ITPRIP: variants seen among roughly 807,000 people sequenced by gnomAD.
ITPRIP encodes the protein inositol 1,4,5-trisphosphate receptor-interacting protein.
A neutral mutation model predicts 35.8 loss-of-function variants in ITPRIP; 32 were observed. That is an observed-to-expected ratio of 0.89 (90% CI 0.68 to 1.20). ITPRIP has a LOEUF of 1.20. Among genes scored for constraint, ITPRIP ranks in the 50% most tolerant of loss-of-function variants. ITPRIP has a pLI of 0.00. For synonymous variants in ITPRIP, 358 were observed against 324.0 expected (o/e 1.11, Z -1.13); for missense variants, 653 against 735.6 (o/e 0.89, Z 1.30).
chr10:104,314,070 C>T lies in ITPRIP; in HGVS notation c.*338G>A, dbSNP rs1416875734. 5 of 1,068,946 alleles carry T rather than the reference C, an allele frequency of 4.7e-6. No homozygotes were observed. Among genetic ancestry groups the T allele is most frequent in the Admixed American group, 9.6e-5 (2 of 20,812 alleles). The allele number at this position is 1,068,946 out of a possible 1,614,324, so 66.2% of individuals were successfully genotyped here. Reference sequence around the variant, plus strand: ...TGGATCTGGGATTCAAAAAGAATTACACCCAATCCAACATTTGCATTGTCT... The same window carrying T: ...TGGATCTGGGATTCAAAAAGAATTATACCCAATCCAACATTTGCATTGTCT... On this transcript the variant is annotated 3_prime_UTR_variant, in exon 2 of 2. Transcript: ENST00000337478.
At chr10:104,321,584 C>T (rs2013846044) in intron 1 of ITPRIP, among the ~76,000 whole-genome samples, 1 of 152,178 alleles carries the variant, frequency 6.6e-6, no homozygotes, top group Non-Finnish European at 1.5e-5. Flanking sequence ...CCCACCATAG[C>T]TTAATCCAAT....
In ITPRIP at chr10:104,312,894, G is replaced by GC; in HGVS notation, c.*1513dup. The GC allele has an allele frequency of 2.0e-6, 2 of 985,362 alleles. No homozygotes were observed. The highest frequency in any genetic ancestry group is 2.4e-6 in the Non-Finnish European group (2 of 829,918). The allele number at this position is 985,362 out of a possible 1,614,324, so 61.0% of individuals were successfully genotyped here. ...AACACGGTATATTCTTGACTCCCTG[G>GC]CCCCCTGCAAGGGTAACTGAAGTAA... On this transcript the variant is annotated 3_prime_UTR_variant, in exon 2 of 2. Coordinates refer to ENST00000337478, the MANE Select transcript of ITPRIP (RefSeq NM_001272013.2).
At chr10:104,332,689 T>C (rs1421930829) in intron 1 of ITPRIP, among the ~76,000 whole-genome samples, 1 of 152,172 alleles carries the variant, frequency 6.6e-6, no homozygotes, top group Non-Finnish European at 1.5e-5. Flanking sequence ...AACAGTGCCA[T>C]CCCAGGGACA....
Position 104,314,509 on chromosome 10 carries a change from T to C in ITPRIP, c.1543A>G (p.Lys515Glu). Residue 515 changes from lysine to glutamate, a missense_variant, in exon 2 of 2, where the codon AAG becomes GAG. By Grantham distance (56) the Lys-to-Glu change is moderately conservative. Coordinates refer to ENST00000337478, the MANE Select transcript of ITPRIP (RefSeq NM_001272013.2). ...PFVLQRSLYR[K>E]TLDSFYEMLK... is the part of the protein sequence containing the mutation. Reference sequence around the variant, plus strand: ...ATCTCATAGAAGGAGTCCAGTGTCTTACGGTAAAGGCTTCGCTGCAGGACG... The same window carrying C: ...ATCTCATAGAAGGAGTCCAGTGTCTCACGGTAAAGGCTTCGCTGCAGGACG... 1.9e-6 allele frequency: 3 copies of C among 1,614,186 alleles called. No homozygotes were observed. Among genetic ancestry groups the C allele is most frequent in the Non-Finnish European group, 2.5e-6 (3 of 1,180,038 alleles).
Position 104,315,663 on chromosome 10 carries a change from G to A in ITPRIP, c.389C>T (p.Pro130Leu). 6.2e-7 allele frequency: 1 copy of A among 1,612,520 alleles called. No individual in the cohort carries two copies. Among genetic ancestry groups the A allele is most frequent in the South Asian group, 1.1e-5 (1 of 91,058 alleles). Residue 130 changes from proline to leucine, a missense_variant, in exon 2 of 2, where the codon CCC becomes CTC. By Grantham distance (98) the Pro-to-Leu change is moderately conservative. Transcript: ENST00000337478. This position sits in a 1 kb window ranked among gnomAD's most constrained non-coding sequence, Gnocchi z 5.7. ...GTTGGGCAGGGTGAGGCCCTGCAAG[G>A]GGGCGCCCCCCAGCCCAGGCAGCTC... ...EDELPGLGGAPLQGLTLPNKA... is the reference protein window; with the variant it reads ...EDELPGLGGALLQGLTLPNKA...
At position 104,314,826 on chromosome 10, in the gene ITPRIP, A is replaced by G; in HGVS notation, c.1226T>C (p.Leu409Pro). The change falls in exon 2 of 2, where the codon CTG becomes CCG. Residue 409 changes from leucine to proline, a missense_variant. By Grantham distance (98) the Leu-to-Pro change is moderately conservative. Coordinates refer to ENST00000337478, the MANE Select transcript of ITPRIP (RefSeq NM_001272013.2). ...GGAGAGCAGGAAGGATGCTATCTGC[A>G]GGCAGCTGAGGTGGCAGGCGCCCTC... ...LPEGACHLSC[L>P]QIASFLLSKQ... The G allele has an allele frequency of 6.2e-7, 1 of 1,613,900 alleles. No individual in the cohort carries two copies. Among genetic ancestry groups the G allele is most frequent in the Non-Finnish European group, 8.5e-7 (1 of 1,180,026 alleles).
chr10:104,314,891 A>G lies in ITPRIP; in HGVS notation c.1161T>C (p.Tyr387=), dbSNP rs1849287101. 2 of 1,613,614 alleles carry G rather than the reference A, an allele frequency of 1.2e-6. No individual in the cohort carries two copies. The highest frequency in any genetic ancestry group is 2.7e-5 in the African/African-American group (2 of 74,950). Residue 387 remains tyrosine (Y), a synonymous_variant, in exon 2 of 2, where the codon TAT becomes TAC. Transcript: ENST00000337478. ...STDWLLSFAV[Y]ERHFLRTTLK... ...GTGTCGTCCTGAGGAAGTGTCGCTC[A>G]TAGACAGCAAAGGACAGGAGCCAGT...
rs2014110510 is a variant in ITPRIP, at chr10:104,329,704, A to T, written c.-14+8542T>A. Among the ~76,000 whole-genome samples the T allele has an allele frequency of 2.0e-5, 3 of 152,136 alleles. No individual in the cohort carries two copies. In the East Asian group the frequency reaches 5.8e-4, roughly 29 times the overall value. On this transcript the variant is annotated intron_variant, in intron 1 of 1. Transcript: ENST00000337478. ...TGCAGAGGCTTAGAGAACCATTGCT[A>T]AGGAGTCAAACTCTGGAATCAGAAG...
chr10:104,329,053 ACACACACACACACATACACACATGCACG>A (rs1277294950), intron 1 of ITPRIP: 1 of 152,122 alleles, frequency 6.6e-6, no homozygotes, highest in Non-Finnish European at 1.5e-5. Context: ...GCACACACAC[ACACACACACACACATACACACATGCACG>A]CACACACACA....
chr10:104,325,455 C>G, intron 1 of ITPRIP, among the ~76,000 whole-genome samples: 1 of 152,310 alleles, frequency 6.6e-6, no homozygotes, highest in East Asian at 1.9e-4. Flanking sequence ...CGTGTCTCCT[C>G]GTTGGCCCCA....
At chr10:104,320,734 C>T (rs2013826090) in intron 1 of ITPRIP, among the ~76,000 whole-genome samples, 1 of 152,038 alleles carries the variant, frequency 6.6e-6, no homozygotes, top group South Asian at 2.1e-4. Flanking sequence ...GACAGGTTTT[C>T]ACCATGTTGG....
chr10:104,315,917 C>T lies in ITPRIP; in HGVS notation c.135G>A (p.Gln45=). ...EEIIRKMQAH[Q]EKLQLEQLRL... is the part of the protein sequence containing the mutation. ...GCAACTGCTCCAGCTGCAGCTTCTC[C>T]TGGTGCGCCTGCATCTTGCGGATGA... The change falls in exon 2 of 2, where the codon CAG becomes CAA. Residue 45 remains glutamine, a synonymous_variant. Transcript: ENST00000337478. The surrounding 1 kb of genome is among the most constrained non-coding windows in gnomAD (Gnocchi z 5.7). 6.2e-7 allele frequency: 1 copy of T among 1,614,002 alleles called. No homozygotes were observed. The highest frequency in any genetic ancestry group is 8.5e-7 in the Non-Finnish European group (1 of 1,180,012).
At chr10:104,321,695 T>C (rs1052267007) in intron 1 of ITPRIP, among the ~76,000 whole-genome samples, 2 of 151,444 alleles carry the variant, frequency 1.3e-5, no homozygotes, top group African/African-American at 4.9e-5. Flanking sequence ...GTAAGTTTCT[T>C]TTCTTTTCTT....
At chr10:104,318,408 C>G (rs2013746092) in intron 1 of ITPRIP, among the ~76,000 whole-genome samples, 1 of 152,184 alleles carries the variant, frequency 6.6e-6, no homozygotes, top group African/African-American at 2.4e-5. Context: ...AGGCAGCCAC[C>G]TTTGGACACA....
rs761419326 is a variant in ITPRIP at position 104,315,891 on chromosome 10, C to A, written c.161G>T (p.Arg54Leu). 20 of 1,613,804 alleles carry A rather than the reference C, an allele frequency of 1.2e-5. No homozygotes were observed. The highest frequency in any genetic ancestry group is 1.7e-5 in the Non-Finnish European group (20 of 1,179,914). The change falls in exon 2 of 2, where the codon CGC becomes CTC. Residue 54 changes from arginine to leucine, a missense_variant. Coordinates refer to ENST00000337478, the MANE Select transcript of ITPRIP (RefSeq NM_001272013.2). This position sits in a 1 kb window ranked among gnomAD's most constrained non-coding sequence, Gnocchi z 5.7. ...HQEKLQLEQLRLEEEVARLAA... is the reference protein window; with the variant it reads ...HQEKLQLEQLLLEEEVARLAA... ...CAGCCGAGCCACCTCCTCCTCCAGG[C>A]GCAACTGCTCCAGCTGCAGCTTCTC...
At chr10:104,331,897 A>C (rs1467162934) in intron 1 of ITPRIP, among the ~76,000 whole-genome samples, 2 of 152,230 alleles carry the variant, frequency 1.3e-5, no homozygotes, top group Non-Finnish European at 2.9e-5. Context: ...CAGAAGTCTC[A>C]GGCCTGGAGT....
intron 1 of ITPRIP, among the ~76,000 whole-genome samples, chr10:104,318,624 T>G (rs542369821): frequency 6.6e-6 from 1 of 152,296 alleles, no homozygotes; most frequent in South Asian, 2.1e-4. Context: ...AAGAGCCTCC[T>G]TGTACTGGCA....
intron 1 of ITPRIP, among the ~76,000 whole-genome samples, chr10:104,327,331 C>T (rs1376025840): frequency 2.0e-5 from 3 of 152,122 alleles, no homozygotes; most frequent in Non-Finnish European, 4.4e-5. Flanking sequence ...AGTCTTGTTT[C>T]CATGGGACAC....
At position 104,315,807 on chromosome 10, in the gene ITPRIP, G is replaced by T. The variant is rs780000087; in HGVS notation, c.245C>A (p.Thr82Lys). 3.3e-5 allele frequency: 53 copies of T among 1,613,544 alleles called. No individual in the cohort carries two copies. Among genetic ancestry groups the T allele is most frequent in the Non-Finnish European group, 2.5e-6 (3 of 1,179,770 alleles). ...VAEEGRQQNE[T>K]RVAWDLWSTL... ...GCTCCAGAGGTCCCAGGCCACGCGT[G>T]TCTCGTTCTGCTGCCTGCCCTCCTC... Residue 82 changes from threonine to lysine, a missense_variant, in exon 2 of 2, where the codon ACA (threonine) becomes AAA (lysine). Physicochemically the swap from Thr to Lys is moderately conservative, Grantham distance 78. Transcript: ENST00000337478. The surrounding 1 kb of genome is among the most constrained non-coding windows in gnomAD (Gnocchi z 5.7).
Sources: gnomAD v4.1 joint callset for allele counts (sites outside exome capture counted in the v4.1 genomes callset) on GRCh38, gnomAD v4.1.1 for gene constraint, Gnocchi (gnomAD v3.1) non-coding constraint, MANE v1.5 for transcripts, NCBI Gene and HGNC (gene_info 2026-07-23, HGNC 2026-07-21) for gene names.